Variants in SOX6 observed in about 807,000 individuals in gnomAD.
SOX6 encodes SRY-box transcription factor 6.
SOX6 carries 11 observed loss-of-function variants against 97.8 expected under a neutral mutation model. The ratio of observed to expected loss-of-function variants is 0.11; its 90% CI spans 0.07 to 0.19. The LOEUF is 0.19. Ranked by LOEUF, SOX6 falls within the 10% of genes least tolerant of loss-of-function variation. The pLI is 1.00. For synonymous variants in SOX6, 360 were observed against 371.4 expected (o/e 0.97, Z 0.35); for missense variants, 810 against 1,039.5 (o/e 0.78, Z 3.04).
chr11:16,121,251 T>A (rs1478688416), intron 6 of SOX6, among the ~76,000 whole-genome samples: 1 of 152,110 alleles, frequency 6.6e-6, no homozygotes, highest in Non-Finnish European at 1.5e-5. Flanking sequence ...ACTAACATAA[T>A]CTTAATTCCT....
chr11:16,054,276 C>A (rs1274730217), intron 10 of SOX6, among the ~76,000 whole-genome samples: 1 of 152,088 alleles, frequency 6.6e-6, no homozygotes, highest in African/African-American at 2.4e-5. Flanking sequence ...TTGATATACT[C>A]ATACTTTAAC....
intron 4 of SOX6, among the ~76,000 whole-genome samples, chr11:16,561,119 A>G (rs147353963): frequency 1.2e-3 from 186 of 152,302 alleles, no homozygotes; most frequent in Middle Eastern, 6.8e-3. Flanking sequence ...CTATTGAAAT[A>G]TTAAAAGAAA....
intron 6 of SOX6, among the ~76,000 whole-genome samples, chr11:16,134,999 T>C (rs964052003): frequency 6.6e-6 from 1 of 152,230 alleles, no homozygotes; most frequent in African/African-American, 2.4e-5. Flanking sequence ...TTGAAGCCAA[T>C]GCTCATTTAC....
chr11:16,139,957 A>G (rs1850086026), intron 6 of SOX6, among the ~76,000 whole-genome samples: 1 of 148,010 alleles, frequency 6.8e-6, no homozygotes, highest in South Asian at 2.1e-4. Context: ...TATATTATAT[A>G]TATATATATA....
intron 3 of SOX6, among the ~76,000 whole-genome samples, chr11:16,643,239 A>C (rs964344442): frequency 3.3e-5 from 5 of 152,206 alleles, no homozygotes; most frequent in Non-Finnish European, 1.5e-5. Flanking sequence ...AAGATTGGTG[A>C]ACAGCAAATG....
In SOX6 at chr11:16,201,921, C is replaced by T. The variant is rs1188701283; in HGVS notation, c.536-14966G>A. The stretch of plus-strand genomic sequence containing the variant: ...GTGCTGGGATTACAGGCGTGAGCCA[C>T]CGCGCCCGGCCTGCAAAGTATTTTT... On this transcript the variant is annotated intron_variant, in intron 4 of 15. Transcript: ENST00000683767. Among the ~76,000 whole-genome samples the T allele has an allele frequency of 3.0e-5, 4 of 135,372 alleles. 1 individual carries two copies. Among genetic ancestry groups the T allele is most frequent in the Non-Finnish European group, 6.0e-5 (4 of 66,720 alleles). 88.8% of individuals were successfully genotyped at this position (135,372 alleles called of 152,430 possible).
At chr11:16,270,949 G>A (rs149177575) in intron 3 of SOX6, among the ~76,000 whole-genome samples, 3 of 151,374 alleles carry the variant, frequency 2.0e-5, no homozygotes, top group African/African-American at 4.8e-5. Flanking sequence ...AGTGGTGATA[G>A]TTATAAAAAC....
chr11:16,516,947 G>A (rs866276301), intron 4 of SOX6, among the ~76,000 whole-genome samples: 15 of 144,234 alleles, frequency 1.0e-4, no homozygotes, highest in Middle Eastern at 7.1e-3. Context: ...CTGGCAAACC[G>A]AATCCAGCAG....
At chr11:16,631,610 T>C (rs540808450) in intron 3 of SOX6, among the ~76,000 whole-genome samples, 41 of 152,326 alleles carry the variant, frequency 2.7e-4, no homozygotes, top group Admixed American at 9.1e-4. Context: ...ATTTCTTGGA[T>C]CTGGATGTCT....
At chr11:16,353,824 T>C (rs1857009464) in intron 1 of SOX6, among the ~76,000 whole-genome samples, 1 of 152,018 alleles carries the variant, frequency 6.6e-6, no homozygotes, top group Non-Finnish European at 1.5e-5. Context: ...AGCTGTGGTG[T>C]TAGTTATAGG....
chr11:16,064,288 G>A (rs1043120342), intron 9 of SOX6, among the ~76,000 whole-genome samples: 1 of 151,606 alleles, frequency 6.6e-6, no homozygotes, highest in African/African-American at 2.4e-5. Context: ...ATTGGGACCA[G>A]TATGCTCCAG....
At chr11:16,280,084 TTCTC>T (rs1457744329) in intron 3 of SOX6, among the ~76,000 whole-genome samples, 1 of 152,124 alleles carries the variant, frequency 6.6e-6, no homozygotes, top group African/African-American at 2.4e-5. Context: ...GGCCATTTCT[TTCTC>T]AATGCTTGAC....
chr11:16,180,214 C>G lies in SOX6; in HGVS notation c.777+3672G>C, dbSNP rs574133466. 3.3e-5 allele frequency among the ~76,000 whole-genome samples: 5 copies of G among 151,864 alleles called. No individual in the cohort carries two copies. The East Asian group carries it at 9.7e-4, about 29-fold the overall frequency. On this transcript the variant is annotated intron_variant, in intron 6 of 15. Transcript: ENST00000683767. Reference sequence around the variant, plus strand: ...CATTGATTAAAATACTGTAAACATGCTTTGATCTGTTTACAACTGTCAAAT... The same window carrying G: ...CATTGATTAAAATACTGTAAACATGGTTTGATCTGTTTACAACTGTCAAAT...
chr11:16,070,838 C>A (rs190646487), intron 9 of SOX6, among the ~76,000 whole-genome samples: 80 of 152,294 alleles, frequency 5.3e-4, no homozygotes, highest in Middle Eastern at 6.8e-3. Flanking sequence ...TCCTCCTAAC[C>A]CCCTATATCC....
chr11:16,141,065 G>A (rs973696621), intron 6 of SOX6, among the ~76,000 whole-genome samples: 2 of 151,034 alleles, frequency 1.3e-5, no homozygotes, highest in Middle Eastern at 3.5e-3. Context: ...AGTGAGCCAA[G>A]ATTGCACTGC....
intron 1 of SOX6, among the ~76,000 whole-genome samples, chr11:16,374,871 T>C (rs1262296450): frequency 6.6e-6 from 1 of 152,048 alleles, no homozygotes. Context: ...CATTCTCTCT[T>C]TCCCATCTCA....
At chr11:16,022,132 T>C (rs1855076736) in intron 12 of SOX6, among the ~76,000 whole-genome samples, 1 of 152,122 alleles carries the variant, frequency 6.6e-6, no homozygotes, top group Non-Finnish European at 1.5e-5. Context: ...ATTATACATG[T>C]GAGTGCTTTG....
intron 4 of SOX6, among the ~76,000 whole-genome samples, chr11:16,575,223 C>A (rs1469378421): frequency 6.6e-6 from 1 of 152,090 alleles, no homozygotes; most frequent in Admixed American, 6.6e-5. Context: ...AGCAGACTGG[C>A]AGAAATTAAA....
intron 3 of SOX6, among the ~76,000 whole-genome samples, chr11:16,683,390 T>C (rs548992949): frequency 4.6e-5 from 7 of 152,226 alleles, no homozygotes; most frequent in Admixed American, 4.6e-4. Context: ...AACAGATATA[T>C]AGACCAATAG....
Sources: allele counts gnomAD v4.1 joint callset (sites outside exome capture counted in the v4.1 genomes callset), GRCh38; gene constraint gnomAD v4.1.1; transcripts MANE v1.5; gene names NCBI Gene and HGNC (gene_info 2026-07-23, HGNC 2026-07-21).